NEK7: variants seen among roughly 807,000 people sequenced by gnomAD.
NEK7 encodes NIMA related kinase 7.
NEK7 carries 18 observed loss-of-function variants against 44.6 expected under a neutral mutation model. The ratio of observed to expected loss-of-function variants is 0.40; its 90% CI spans 0.28 to 0.60. NEK7 has a LOEUF of 0.60. Among genes scored for constraint, NEK7 ranks in the 20% least tolerant of loss-of-function variants. The pLI, the probability that NEK7 is intolerant of heterozygous loss-of-function variation, is 0.38. For missense variants in NEK7, 256 were observed against 366.5 expected, an observed-to-expected ratio of 0.70 and a Z score of 2.46; for synonymous variants, 130 against 121.1, an observed-to-expected ratio of 1.07 and a Z score of -0.48.
chr1:198,223,815 A>G (rs1666137680), intron 1 of NEK7, among the ~76,000 whole-genome samples: 1 of 152,144 alleles, frequency 6.6e-6, no homozygotes, highest in Admixed American at 6.6e-5. Context: ...GGTGATGTTG[A>G]TTAATGTGAT....
intron 1 of NEK7, among the ~76,000 whole-genome samples, chr1:198,203,619 C>T (rs1354839701): frequency 6.6e-6 from 1 of 152,160 alleles, no homozygotes; most frequent in Admixed American, 6.5e-5. Flanking sequence ...GAATAAAGCC[C>T]CTTTTCATCC....
chr1:198,314,454 A>T (rs959048632), intron 9 of NEK7, among the ~76,000 whole-genome samples: 29 of 152,346 alleles, frequency 1.9e-4, no homozygotes, highest in Non-Finnish European at 2.6e-4. Flanking sequence ...TTGTCAGTCC[A>T]GCTTTGTTCC....
At chr1:198,277,369 G>A (rs1298800005) in intron 5 of NEK7, among the ~76,000 whole-genome samples, 1 of 151,698 alleles carries the variant, frequency 6.6e-6, no homozygotes, top group South Asian at 2.1e-4. Flanking sequence ...TTTTTGCCTG[G>A]GCATTCCTGT....
At chr1:198,287,574 ATTTACT>A (rs1490187115) in intron 7 of NEK7, among the ~76,000 whole-genome samples, 1 of 152,076 alleles carries the variant, frequency 6.6e-6, no homozygotes, top group East Asian at 1.9e-4. Context: ...TGTAATTTAC[ATTTACT>A]TTTCAAGGGA....
intron 4 of NEK7, 33 bp downstream of exon 4, chr1:198,262,670 A>G: frequency 1.5e-6 from 2 of 1,304,444 alleles, no homozygotes. Context: ...TTTTGAACAT[A>G]ACATGGTGAT....
In NEK7 at chr1:198,178,990, A is replaced by ACC. The variant is rs147339253; in HGVS notation, c.-29+21722_-29+21723dup. 3.4e-5 allele frequency among the ~76,000 whole-genome samples: 5 copies of ACC among 145,028 alleles called. No homozygotes were observed. In the East Asian group the frequency reaches 6.0e-4, roughly 18 times the overall value. ...AGAAAAGCATTTGATACCATTTGAT[A>ACC]CCCCCCCCCTTTTTTTTTTAAGGAA... On this transcript the variant is annotated intron_variant, in intron 1 of 9. Coordinates refer to ENST00000367385, the MANE Select transcript of NEK7 (RefSeq NM_133494.3).
At chr1:198,285,645 A>G (rs1038857875) in intron 7 of NEK7, among the ~76,000 whole-genome samples, 1 of 152,060 alleles carries the variant, frequency 6.6e-6, no homozygotes, top group South Asian at 2.1e-4. Flanking sequence ...ACTTCCATTC[A>G]CATTTCATTG....
intron 5 of NEK7, among the ~76,000 whole-genome samples, chr1:198,264,971 G>A (rs1379533267): frequency 2.0e-5 from 3 of 151,996 alleles, no homozygotes; most frequent in Admixed American, 6.6e-5. Context: ...GTAAGGCTAT[G>A]TAAATGTATC....
At chr1:198,221,437 T>C (rs1218285711) in intron 1 of NEK7, among the ~76,000 whole-genome samples, 1 of 151,788 alleles carries the variant, frequency 6.6e-6, no homozygotes, top group Non-Finnish European at 1.5e-5. Context: ...TAATTTTTTT[T>C]CTGCCTAAAG....
intron 1 of NEK7, among the ~76,000 whole-genome samples, chr1:198,219,308 G>GTA (rs927205102): frequency 4.7e-5 from 7 of 149,956 alleles, no homozygotes; most frequent in African/African-American, 7.3e-5. Flanking sequence ...TAAAATATGT[G>GTA]TATATATATG....
At position 198,254,397 on chromosome 1, in the gene NEK7, T is replaced by C. The variant is rs149558941; in HGVS notation, c.198+1217T>C. Among the ~76,000 whole-genome samples, 723 of 152,326 alleles carry C rather than the reference T, an allele frequency of 4.7e-3. 5 individuals are homozygous for C. The highest frequency in any genetic ancestry group is 8.3e-3 in the Non-Finnish European group (567 of 68,028). ...ATTTCTAAAATAGTCTATTGTTTAC[T>C]TTTGCATTTTTTTAAACTTTACATA... On this transcript the variant is annotated intron_variant, in intron 3 of 9. Coordinates refer to ENST00000367385, the MANE Select transcript of NEK7 (RefSeq NM_133494.3).
chr1:198,279,004 G>A lies in NEK7; in HGVS notation c.532G>A (p.Gly178Arg), dbSNP rs781729294. ...FITATGVVKL[G>R]DLGLGRFFSS... Reference sequence around the variant, plus strand: ...TACAGCCACTGGGGTGGTAAAACTTGGAGATCTTGGGCTTGGCCGGTTTTT... The same window carrying A: ...TACAGCCACTGGGGTGGTAAAACTTAGAGATCTTGGGCTTGGCCGGTTTTT... Residue 178 changes from glycine (G) to arginine (R), a missense_variant, in exon 7 of 10, where the codon GGA (glycine) becomes AGA (arginine). Around this residue, in one of 3 missense-constraint regions of NEK7, gnomAD observed 102 missense variants for 205.2 expected, o/e 0.50. Transcript: ENST00000367385. The A allele has an allele frequency of 6.2e-7, 1 of 1,611,074 alleles. No homozygotes were observed. Among genetic ancestry groups the A allele is most frequent in the East Asian group, 2.2e-5 (1 of 44,752 alleles).
intron 1 of NEK7, among the ~76,000 whole-genome samples, chr1:198,231,297 GTGTGTATATATATATATATATATA>G (rs1392310652): frequency 1.0e-3 from 90 of 90,188 alleles, no homozygotes; most frequent in South Asian, 1.7e-3. Context: ...GTGTATGTGT[GTGTGTATATATATATATATATATA>G]TATATATATA....
chr1:198,239,994 C>G (rs1255047363), intron 2 of NEK7, among the ~76,000 whole-genome samples: 1 of 152,192 alleles, frequency 6.6e-6, no homozygotes, highest in East Asian at 1.9e-4. Context: ...CTAATCATAT[C>G]TAAACCTAGA....
chr1:198,212,210 G>A (rs2102820928), intron 1 of NEK7, among the ~76,000 whole-genome samples: 1 of 152,318 alleles, frequency 6.6e-6, no homozygotes, highest in South Asian at 2.1e-4. Flanking sequence ...CTCATTGGCT[G>A]TAACCGATGA....
At chr1:198,164,005 C>T (rs1262670271) in intron 1 of NEK7, among the ~76,000 whole-genome samples, 1 of 152,016 alleles carries the variant, frequency 6.6e-6, no homozygotes, top group Non-Finnish European at 1.5e-5. Context: ...CTTTGGAGGC[C>T]GAGGCTGAGC....
intron 1 of NEK7, among the ~76,000 whole-genome samples, chr1:198,221,774 G>C (rs1483609637): frequency 2.6e-5 from 4 of 151,842 alleles, no homozygotes; most frequent in African/African-American, 9.7e-5. Context: ...AGGGAAAAGT[G>C]TATACTTAGC....
At chr1:198,169,526 C>T (rs1482392833) in intron 1 of NEK7, among the ~76,000 whole-genome samples, 1 of 151,766 alleles carries the variant, frequency 6.6e-6, no homozygotes, top group East Asian at 1.9e-4. Flanking sequence ...CCTCACCTGG[C>T]TTTCTAGATT....
intron 9 of NEK7, among the ~76,000 whole-genome samples, chr1:198,302,825 T>C (rs1415567080): frequency 6.6e-6 from 1 of 152,136 alleles, no homozygotes; most frequent in African/African-American, 2.4e-5. Flanking sequence ...CTAGACAATG[T>C]TTAGAGCAAA....
Sources: allele counts gnomAD v4.1 joint callset (sites outside exome capture counted in the v4.1 genomes callset), GRCh38; gene constraint gnomAD v4.1.1; regional missense constraint gnomAD v4.1.1; transcripts MANE v1.5; gene names NCBI Gene and HGNC (gene_info 2026-07-23, HGNC 2026-07-21).